Variants in THSD7A observed in about 807,000 individuals in gnomAD.
THSD7A encodes the protein thrombospondin type 1 domain containing 7A.
THSD7A carries 96 observed loss-of-function variants against 231.3 expected under a neutral mutation model. The observed-to-expected ratio is 0.41, with a 90% CI of 0.35 to 0.49. The LOEUF is 0.49. THSD7A is among the 20% of genes least tolerant of loss of function. THSD7A has a pLI of 0.05. For missense variants in THSD7A, 2,290 were observed against 2,070.2 expected (o/e 1.11, Z -2.06); for synonymous variants, 940 against 743.3 (o/e 1.26, Z -4.30).
At chr7:11,808,683 T>C (rs1473679155) in intron 1 of THSD7A, among the ~76,000 whole-genome samples, 4 of 152,166 alleles carry the variant, frequency 2.6e-5, no homozygotes, top group Non-Finnish European at 5.9e-5. Context: ...TCATGTAAAC[T>C]AGGGTCTTTA....
chr7:11,599,795 G>C (rs1382745293), intron 2 of THSD7A, among the ~76,000 whole-genome samples: 2 of 151,976 alleles, frequency 1.3e-5, no homozygotes, highest in African/African-American at 2.4e-5. Flanking sequence ...TTGATGCTGG[G>C]TGTGTCTGTG....
At chr7:11,828,665 G>T (rs1191232693) in intron 1 of THSD7A, among the ~76,000 whole-genome samples, 1 of 152,068 alleles carries the variant, frequency 6.6e-6, no homozygotes, top group African/African-American at 2.4e-5. Context: ...TACCACAGTG[G>T]TTACATATTT....
chr7:11,754,781 G>A (rs1365238436), intron 1 of THSD7A, among the ~76,000 whole-genome samples: 1 of 151,848 alleles, frequency 6.6e-6, no homozygotes, highest in Non-Finnish European at 1.5e-5. Context: ...CATCTTTGAT[G>A]TTTTCTAAAT....
chr7:11,640,324 CA>C (rs1180647609), intron 1 of THSD7A, among the ~76,000 whole-genome samples: 3 of 152,086 alleles, frequency 2.0e-5, no homozygotes, highest in Non-Finnish European at 2.9e-5. Flanking sequence ...TATGATTCAA[CA>C]GATGCCATTT....
At chr7:11,594,602 T>C (rs759954004) in intron 2 of THSD7A, among the ~76,000 whole-genome samples, 3 of 152,122 alleles carry the variant, frequency 2.0e-5, no homozygotes, top group Non-Finnish European at 2.9e-5. Flanking sequence ...CCTTTGACCA[T>C]ATATGGAGAA....
chr7:11,701,271 T>C (rs1452997149), intron 1 of THSD7A, among the ~76,000 whole-genome samples: 1 of 151,168 alleles, frequency 6.6e-6, no homozygotes, highest in African/African-American at 2.4e-5. Context: ...AGCTTTTATA[T>C]ACAATTCATT....
Position 11,831,852 on chromosome 7 carries a change from AGCGGCAGCGGCAGCGGCAGCAGCT to A in THSD7A, c.71_94del (p.Gln24_Pro31del). 1.6e-6 allele frequency: 2 copies of A among 1,248,362 alleles called. No homozygotes were observed. The highest frequency in any genetic ancestry group is 2.0e-6 in the Non-Finnish European group (2 of 986,508). 77.3% of individuals were successfully genotyped at this position (1,248,362 alleles called of 1,614,324 possible). A position where few individuals can be genotyped will look rare whatever the true frequency, so the allele number is the denominator to read the frequency against. ...TAGCAGCAGCAGCAGGAGCAGCGGC[AGCGGCAGCGGCAGCGGCAGCAGCT>A]GCAGGACGCCCCGGCGCGGCCCCGC... On this transcript the variant is annotated inframe_deletion, in exon 1 of 28. Coordinates refer to ENST00000423059, the MANE Select transcript of THSD7A (RefSeq NM_015204.3). This position sits in a 1 kb window ranked among gnomAD's most constrained non-coding sequence, Gnocchi z 5.0.
intron 1 of THSD7A, among the ~76,000 whole-genome samples, chr7:11,667,417 A>G (rs1417134622): frequency 6.6e-6 from 1 of 152,176 alleles, no homozygotes; most frequent in Non-Finnish European, 1.5e-5. Flanking sequence ...GAGCGTTTGT[A>G]CTTTATCTTT....
intron 6 of THSD7A, among the ~76,000 whole-genome samples, chr7:11,506,325 TA>T (rs1317793823): frequency 5.9e-5 from 9 of 152,160 alleles, no homozygotes; most frequent in Non-Finnish European, 1.3e-4. Flanking sequence ...GTTAATTACA[TA>T]TTTTCTTCAC....
At chr7:11,461,580 C>G (rs1785506659) in intron 10 of THSD7A, among the ~76,000 whole-genome samples, 1 of 152,154 alleles carries the variant, frequency 6.6e-6, no homozygotes, top group South Asian at 2.1e-4. Context: ...CATTGAGATA[C>G]AGATGTCATT....
intron 4 of THSD7A, among the ~76,000 whole-genome samples, chr7:11,577,191 A>G (rs1790951338): frequency 6.6e-6 from 1 of 152,266 alleles, no homozygotes; most frequent in African/African-American, 2.4e-5. Flanking sequence ...AGTTAAAAAC[A>G]TAACTGTATT....
chr7:11,373,250 A>G lies in THSD7A; in HGVS notation c.*2544T>C, dbSNP rs1782129649. 1 of 152,070 alleles carries G rather than the reference A, an allele frequency of 6.6e-6. No individual in the cohort carries two copies. Among genetic ancestry groups the G allele is most frequent in the Non-Finnish European group, 1.5e-5 (1 of 67,972 alleles). 9.4% of individuals were successfully genotyped at this position (152,070 alleles called of 1,614,324 possible). On this transcript the variant is annotated 3_prime_UTR_variant, in exon 28 of 28. Transcript: ENST00000423059. Reference sequence around the variant, plus strand: ...ACAATACCTTAAATATAGCTTTAGTAGGTATTCTATCCCACATTTCAAAAT... The same window carrying G: ...ACAATACCTTAAATATAGCTTTAGTGGGTATTCTATCCCACATTTCAAAAT...
intron 1 of THSD7A, among the ~76,000 whole-genome samples, chr7:11,685,283 A>G (rs1052673666): frequency 6.6e-6 from 1 of 151,794 alleles, no homozygotes; most frequent in Non-Finnish European, 1.5e-5. Flanking sequence ...ACAAAAAAAA[A>G]CTAGGAAGTA....
intron 1 of THSD7A, among the ~76,000 whole-genome samples, chr7:11,643,597 A>ACGCG (rs376151391): frequency 3.3e-3 from 329 of 98,386 alleles, no homozygotes; most frequent in African/African-American, 0.017. Context: ...CACCACACGC[A>ACGCG]CGCGCGCACA....
intron 13 of THSD7A, among the ~76,000 whole-genome samples, chr7:11,431,112 T>C (rs1784465441): frequency 6.6e-6 from 1 of 152,216 alleles, no homozygotes; most frequent in South Asian, 2.1e-4. Flanking sequence ...CCACCAGATA[T>C]GCACGCATGT....
Position 11,832,139 on chromosome 7 carries a change from T to A in THSD7A, c.-193A>T. On this transcript the variant is annotated 5_prime_UTR_variant, in exon 1 of 28. Transcript: ENST00000423059. ...CGTCCGCGGTGGTGGCCGTGGCCGC[T>A]GCCGCCGCCGCCGCCGCCTCTGGCG... 1 of 332,460 alleles carries A rather than the reference T, an allele frequency of 3.0e-6. No homozygotes were observed. The allele number at this position is 332,460 out of a possible 1,614,324, so 20.6% of individuals were successfully genotyped here. A position where few individuals can be genotyped will look rare whatever the true frequency, so the allele number is the denominator to read the frequency against.
At chr7:11,512,488 AT>A (rs1239317502) in intron 6 of THSD7A, among the ~76,000 whole-genome samples, 1 of 152,128 alleles carries the variant, frequency 6.6e-6, no homozygotes, top group Non-Finnish European at 1.5e-5. Flanking sequence ...ATGCACACAT[AT>A]TTTTATTTTG....
At chr7:11,763,321 C>T (rs1407093399) in intron 1 of THSD7A, among the ~76,000 whole-genome samples, 1 of 152,140 alleles carries the variant, frequency 6.6e-6, no homozygotes, top group African/African-American at 2.4e-5. Flanking sequence ...ATTTTCAGGT[C>T]TTAGCTAAAA....
At chr7:11,733,782 T>C (rs781716014) in intron 1 of THSD7A, among the ~76,000 whole-genome samples, 2 of 151,870 alleles carry the variant, frequency 1.3e-5, no homozygotes, top group Non-Finnish European at 2.9e-5. Flanking sequence ...AGCAGTGTGG[T>C]TTCTTCTCAT....
Sources: gnomAD v4.1 joint callset for allele counts (sites outside exome capture counted in the v4.1 genomes callset) on GRCh38, gnomAD v4.1.1 for gene constraint, Gnocchi (gnomAD v3.1) non-coding constraint, MANE v1.5 for transcripts, NCBI Gene and HGNC (gene_info 2026-07-23, HGNC 2026-07-21) for gene names.